The following HSPE1 variants were observed in gnomAD, a reference collection of about 807,000 sequenced individuals.
HSPE1 encodes the protein heat shock protein family E (Hsp10) member 1.
A neutral mutation model predicts 13.2 loss-of-function variants in HSPE1; 1 was observed. That is an observed-to-expected ratio of 0.08 (90% CI 0.03 to 0.36). HSPE1 has a LOEUF of 0.36. HSPE1 is among the 10% of genes least tolerant of loss of function. The pLI is 0.99. For synonymous variants in HSPE1, 44 were observed against 42.0 expected (o/e 1.05, Z -0.19); for missense variants, 73 against 118.7 (o/e 0.62, Z 1.79).
intron 1 of HSPE1, 133 bp downstream of exon 1, chr2:197,500,572 C>A: frequency 7.2e-7 from 1 of 1,384,684 alleles, no homozygotes; most frequent in Non-Finnish European, 1.0e-6. Flanking sequence ...CCGATGGCAC[C>A]TTGGAGCGGC....
chr2:197,500,532 A>C, intron 1 of HSPE1, 93 bp downstream of exon 1: 9 of 497,378 alleles, frequency 1.8e-5, no homozygotes, highest in Non-Finnish European at 3.6e-5. Context: ...GCTGGGCGGG[A>C]GGGATTGGTG....
intron 2 of HSPE1, among the ~76,000 whole-genome samples, chr2:197,501,865 T>A (rs1366703855): frequency 6.6e-6 from 1 of 152,000 alleles, no homozygotes; most frequent in Non-Finnish European, 1.5e-5. Context: ...CAAAAGAGGC[T>A]GTGCGTGGTG....
In HSPE1 at chr2:197,503,437, A is replaced by AAT; in HGVS notation, c.*181_*182dup. 1 of 446,848 alleles carries AAT rather than the reference A, an allele frequency of 2.2e-6. No homozygotes were observed. The highest frequency in any genetic ancestry group is 4.0e-6 in the Non-Finnish European group (1 of 252,618). 27.7% of individuals were successfully genotyped at this position (446,848 alleles called of 1,614,324 possible). ...ACTGATATAAACACTTCCAAATAAA[A>AAT]ATATGTAAATGAGTGGTTAATCTTT... On this transcript the variant is annotated 3_prime_UTR_variant, in exon 4 of 4. Transcript: ENST00000233893.
At position 197,503,350 on chromosome 2, in the gene HSPE1, C is replaced by A; in HGVS notation, c.*91C>A. ...CGTCATGTAAATAATTTCCATATTT[C>A]TCTTTTATAATAAACTAATGATAAC... On this transcript the variant is annotated 3_prime_UTR_variant, in exon 4 of 4. Transcript: ENST00000233893. 1.2e-6 allele frequency: 1 copy of A among 847,904 alleles called. No individual in the cohort carries two copies. The highest frequency in any genetic ancestry group is 2.2e-5 in the Admixed American group (1 of 45,960). 52.5% of individuals were successfully genotyped at this position (847,904 alleles called of 1,614,324 possible).
intron 1 of HSPE1, 70 bp downstream of exon 1, chr2:197,500,509 C>T (rs892217354): frequency 7.8e-6 from 12 of 1,541,316 alleles, no homozygotes; most frequent in Middle Eastern, 1.7e-4. Flanking sequence ...CCCTGACGCC[C>T]CTCTTTTGTT....
Position 197,503,135 on chromosome 2 carries a change from A to G in HSPE1, c.258+7A>G, listed in dbSNP as rs2086276238. 1 of 1,589,164 alleles carries G rather than the reference A, an allele frequency of 6.3e-7. No homozygotes were observed. Among genetic ancestry groups the G allele is most frequent in the Non-Finnish European group, 8.6e-7 (1 of 1,157,734 alleles). On this transcript the variant is annotated splice_region_variant and intron_variant, in intron 3 of 3. Transcript: ENST00000233893. ...AGTAGTTCTAGATGACAAGGTGTGT[A>G]AACTTAATAATTCTAAAAAGAAGTC...
intron 2 of HSPE1, 50 bp downstream of exon 2, chr2:197,501,288 A>C (rs1342857712): frequency 2.0e-6 from 3 of 1,528,860 alleles, no homozygotes. Context: ...CAGTGGAGGG[A>C]AAAGAAGTAA....
rs539370027 is a variant in HSPE1 at position 197,500,458 on chromosome 2, C to T, written c.3+19C>T. On this transcript the variant is annotated intron_variant, in intron 1 of 3. Transcript: ENST00000233893. ...AGTAATGGTGAGTCCCGCGTGGCCC[C>T]GAGGCCTGCAGGCCCGGGCCTGTCT... 1.0e-4 allele frequency: 165 copies of T among 1,583,588 alleles called. 1 individual carries two copies. The South Asian group carries it at 1.7e-3, about 17-fold the overall frequency.
chr2:197,503,398 A>C lies in HSPE1; in HGVS notation c.*139A>C, dbSNP rs2086279051. 10 of 608,582 alleles carry C rather than the reference A, an allele frequency of 1.6e-5. No homozygotes were observed. The highest frequency in any genetic ancestry group is 2.9e-5 in the Non-Finnish European group (10 of 347,694). 37.7% of individuals were successfully genotyped at this position (608,582 alleles called of 1,614,324 possible). A position where few individuals can be genotyped will look rare whatever the true frequency, so the allele number is the denominator to read the frequency against. On this transcript the variant is annotated 3_prime_UTR_variant, in exon 4 of 4. Transcript: ENST00000233893. ...AACTAATGACATCCAGTGTCTCCAA[A>C]ATTGTTTCCTTGTACTGATATAAAC...
chr2:197,501,380 C>T, intron 2 of HSPE1, 142 bp downstream of exon 2: 5 of 974,564 alleles, frequency 5.1e-6, no homozygotes, highest in Non-Finnish European at 7.4e-6. Flanking sequence ...TAATCTGTTT[C>T]TTAAAGGGAA....
At chr2:197,502,803 T>C (rs890237283) in intron 2 of HSPE1, among the ~76,000 whole-genome samples, 2 of 152,232 alleles carry the variant, frequency 1.3e-5, no homozygotes, top group South Asian at 4.1e-4. Context: ...AACTTTTACG[T>C]TGGAGTCAGG....
At chr2:197,501,287 G>A (rs1274155652) in intron 2 of HSPE1, 49 bp downstream of exon 2, 3 of 1,530,244 alleles carry the variant, frequency 2.0e-6, no homozygotes, top group Non-Finnish European at 2.6e-6. Flanking sequence ...GCAGTGGAGG[G>A]AAAAGAAGTA....
chr2:197,500,968 T>A (rs763104748), intron 1 of HSPE1, 106 bp from the exon 2 acceptor site: 209 of 1,338,334 alleles, frequency 1.6e-4, no homozygotes, highest in Non-Finnish European at 2.1e-4. Context: ...AGGTTTGGTG[T>A]TAACTTTCAA....
intron 1 of HSPE1, 124 bp downstream of exon 1, chr2:197,500,563 C>A: frequency 7.0e-7 from 1 of 1,430,422 alleles, no homozygotes; most frequent in South Asian, 1.2e-5. Context: ...GACCAGCGCC[C>A]GATGGCACCT....
chr2:197,502,339 G>C (rs1014507032), intron 2 of HSPE1, among the ~76,000 whole-genome samples: 6 of 152,208 alleles, frequency 3.9e-5, no homozygotes, highest in Admixed American at 2.6e-4. Context: ...GAAGCCAAAA[G>C]ATTGCACACC....
rs1559307556 is a variant in HSPE1 at position 197,503,300 on chromosome 2, A to G, written c.*41A>G. ...AAATGGCATCAACATGATGCTGCCCATTCCACTGAAGTTCTGAAATCTTTC... is the reference window on the plus strand; with the variant it reads ...AAATGGCATCAACATGATGCTGCCCGTTCCACTGAAGTTCTGAAATCTTTC... On this transcript the variant is annotated 3_prime_UTR_variant, in exon 4 of 4. Transcript: ENST00000233893. 1.6e-6 allele frequency: 2 copies of G among 1,279,836 alleles called. No individual in the cohort carries two copies. The highest frequency in any genetic ancestry group is 2.2e-6 in the Non-Finnish European group (2 of 895,626). The allele number at this position is 1,279,836 out of a possible 1,614,324, so 79.3% of individuals were successfully genotyped here.
At chr2:197,500,955 C>A in intron 1 of HSPE1, 119 bp from the exon 2 acceptor site, 1 of 1,167,440 alleles carries the variant, frequency 8.6e-7, no homozygotes, top group Non-Finnish European at 1.2e-6. Flanking sequence ...AACGAATAAG[C>A]TGAGGTTTGG....
intron 1 of HSPE1, 25 bp downstream of exon 1, chr2:197,500,464 C>G: frequency 8.2e-6 from 13 of 1,581,354 alleles, no homozygotes; most frequent in Non-Finnish European, 1.1e-5. Flanking sequence ...GCCCCGAGGC[C>G]TGCAGGCCCG....
rs1158319764 is a variant in HSPE1, at chr2:197,501,486, C to T, written c.168+248C>T. The stretch of plus-strand genomic sequence containing the variant: ...GTATTAAAAATTGTCCTCAATAGGC[C>T]GGGTGCGGTGGCTCTCGCCTGTAAT... On this transcript the variant is annotated intron_variant, in intron 2 of 3. Transcript: ENST00000233893. 1.9e-5 allele frequency: 7 copies of T among 365,410 alleles called. No homozygotes were observed. In the South Asian group the frequency reaches 2.7e-4, roughly 14 times the overall value. The allele number at this position is 365,410 out of a possible 1,614,324, so 22.6% of individuals were successfully genotyped here.
Sources: allele counts gnomAD v4.1 joint callset (sites outside exome capture counted in the v4.1 genomes callset), GRCh38; gene constraint gnomAD v4.1.1; transcripts MANE v1.5; gene names NCBI Gene and HGNC (gene_info 2026-07-23, HGNC 2026-07-21).